DLG1: variants seen among roughly 807,000 people sequenced by gnomAD.
DLG1 encodes the protein disks large homolog 1.
In DLG1, 42 loss-of-function variants were observed where a neutral mutation model predicts 123.4. The ratio of observed to expected loss-of-function variants is 0.34; its 90% confidence interval spans 0.27 to 0.44. The LOEUF (loss-of-function observed/expected upper bound fraction) is 0.44, where lower values mean the gene tolerates loss of function less well. Ranked by LOEUF, DLG1 falls within the 20% of genes least tolerant of loss-of-function variation. The pLI, the probability that DLG1 is intolerant of heterozygous loss-of-function variation, is 1.00. For missense variants in DLG1, 942 were observed against 1,082.6 expected (o/e 0.87, Z 1.82); for synonymous variants, 317 against 356.2 (o/e 0.89, Z 1.24).
At chr3:197,164,293 A>G (rs1046640706) in intron 5 of DLG1, among the ~76,000 whole-genome samples, 16 of 151,580 alleles carry the variant, frequency 1.1e-4, no homozygotes, top group African/African-American at 3.6e-4. Flanking sequence ...GCTACTTGGG[A>G]GGCTGAGACA....
chr3:197,230,314 T>C (rs180951744), intron 4 of DLG1, among the ~76,000 whole-genome samples: 134 of 152,316 alleles, frequency 8.8e-4, no homozygotes, highest in African/African-American at 3.2e-3. Flanking sequence ...ACTACCTATA[T>C]TACATATTAC....
intron 5 of DLG1, among the ~76,000 whole-genome samples, chr3:197,163,076 G>T (rs1487407095): frequency 6.6e-6 from 1 of 152,144 alleles, no homozygotes; most frequent in East Asian, 1.9e-4. Context: ...GTATACAAGT[G>T]GCCAATTAGC....
chr3:197,140,690 T>C (rs1013523547), intron 7 of DLG1, among the ~76,000 whole-genome samples: 2 of 152,214 alleles, frequency 1.3e-5, no homozygotes, highest in East Asian at 1.9e-4. Context: ...AAAACCCATA[T>C]ACTGTTTTAG....
chr3:197,286,511 G>C (rs1228483671), intron 3 of DLG1, among the ~76,000 whole-genome samples: 1 of 152,194 alleles, frequency 6.6e-6, no homozygotes, highest in Non-Finnish European at 1.5e-5. Context: ...GGGAGGCAGA[G>C]CTCAGGTGGC....
chr3:197,120,273 G>GAAAAAAAAAAA (rs3050713), intron 11 of DLG1, among the ~76,000 whole-genome samples: 3 of 127,600 alleles, frequency 2.4e-5, no homozygotes, highest in Non-Finnish European at 3.3e-5. Flanking sequence ...TCTCGAGAAA[G>GAAAAAAAAAAA]AAAAAAAAAA....
intron 4 of DLG1, among the ~76,000 whole-genome samples, chr3:197,227,170 AAT>A (rs1292870870): frequency 6.6e-6 from 1 of 152,210 alleles, no homozygotes; most frequent in Non-Finnish European, 1.5e-5. Flanking sequence ...GCAGTTAAGA[AAT>A]ATAATTGCTA....
At chr3:197,296,507 ACTCT>A (rs751423144) in intron 2 of DLG1, 30 bp from the exon 3 acceptor site, 14 of 1,604,964 alleles carry the variant, frequency 8.7e-6, no homozygotes, top group African/African-American at 1.3e-5. Context: ...CCTGATTAAA[ACTCT>A]CTATTTACAA....
At chr3:197,070,564 C>CTTTTTTTTTTTTTTTTTTTT (rs1491200833) in intron 18 of DLG1, 2 of 44,922 alleles carry the variant, frequency 4.5e-5, no homozygotes, top group Non-Finnish European at 1.0e-4. Context: ...CTGGAAATTT[C>CTTTTTTTTTTTTTTTTTTTT]ATTTTTTTTT....
At chr3:197,170,772 A>C (rs915804956) in intron 5 of DLG1, among the ~76,000 whole-genome samples, 1 of 152,118 alleles carries the variant, frequency 6.6e-6, no homozygotes. Flanking sequence ...TTTTGTTGCA[A>C]TTGCATGGTG....
chr3:197,145,566 G>A (rs1430409159), intron 6 of DLG1, among the ~76,000 whole-genome samples: 2 of 151,938 alleles, frequency 1.3e-5, no homozygotes, highest in East Asian at 1.9e-4. Context: ...TTTTATTTTC[G>A]AAAACATTTC....
intron 17 of DLG1, among the ~76,000 whole-genome samples, chr3:197,079,629 C>A (rs377357396): frequency 6.6e-6 from 1 of 152,158 alleles, no homozygotes; most frequent in Non-Finnish European, 1.5e-5. Flanking sequence ...TGTACTAAAT[C>A]ATTTTTAAAG....
chr3:197,076,650 A>G lies in DLG1; in HGVS notation c.1941T>C (p.Phe647=). 4 of 1,613,014 alleles carry G rather than the reference A, an allele frequency of 2.5e-6. No homozygotes were observed. In the South Asian group the frequency reaches 4.4e-5, roughly 18 times the overall value. The change falls in exon 18 of 25, where the codon TTT becomes TTC. Residue 647 remains phenylalanine (F), a synonymous_variant. Coordinates refer to ENST00000667157, the MANE Select transcript of DLG1 (RefSeq NM_001366207.1). ...TCTTGTAGAAGGGGAATTTTCGGGA[A>G]AAGAGGTTCTTTTTACGCTTGTCAT... ...SFNDKRKKNL[F]SRKFPFYKNK...
chr3:197,244,216 G>A (rs1036760204), intron 4 of DLG1, among the ~76,000 whole-genome samples: 11 of 152,206 alleles, frequency 7.2e-5, no homozygotes, highest in Non-Finnish European at 1.2e-4. Flanking sequence ...GGGCTGACCC[G>A]CAGGGTGCTG....
intron 4 of DLG1, among the ~76,000 whole-genome samples, chr3:197,195,857 A>C (rs1015406613): frequency 3.3e-5 from 5 of 151,980 alleles, no homozygotes; most frequent in African/African-American, 1.2e-4. Flanking sequence ...AAACCTACAT[A>C]TGTACCCCCT....
At position 197,138,230 on chromosome 3, in the gene DLG1, C is replaced by G; in HGVS notation, c.875G>C (p.Gly292Ala). Residue 292 changes from glycine to alanine, a missense_variant, in exon 9 of 25, where the codon GGT (glycine) becomes GCT (alanine). By Grantham distance (60) the Gly-to-Ala change is moderately conservative. Coordinates refer to ENST00000667157, the MANE Select transcript of DLG1 (RefSeq NM_001366207.1). ...EKIMEIKLIK[G>A]PKGLGFSIAG... is the part of the protein sequence containing the mutation. ...TTTGACTTACCACATACCTTTAGGA[C>G]CTTTAATGAGCTTTATTTCCATTAT... 1 of 1,572,402 alleles carries G rather than the reference C, an allele frequency of 6.4e-7. No homozygotes were observed. The highest frequency in any genetic ancestry group is 1.3e-5 in the African/African-American group (1 of 74,154).
chr3:197,231,696 T>C (rs1561581249), intron 4 of DLG1, among the ~76,000 whole-genome samples: 3 of 57,050 alleles, frequency 5.3e-5, no homozygotes, highest in African/African-American at 1.3e-4. Flanking sequence ...CCAGACCCTG[T>C]TAAAAAAAAA....
At chr3:197,075,989 T>C in intron 18 of DLG1, 1 of 681,974 alleles carries the variant, frequency 1.5e-6, no homozygotes, top group Non-Finnish European at 2.4e-6. Flanking sequence ...TACAGGTACA[T>C]ATATCTTACA....
chr3:197,285,198 A>G (rs1488212196), intron 3 of DLG1, among the ~76,000 whole-genome samples: 3 of 152,120 alleles, frequency 2.0e-5, no homozygotes, highest in African/African-American at 7.2e-5. Flanking sequence ...TCCCAGAAAT[A>G]CTCTCAAAGG....
intron 22 of DLG1, 57 bp downstream of exon 22, chr3:197,065,219 T>C (rs934198123): frequency 8.8e-5 from 130 of 1,478,678 alleles, no homozygotes; most frequent in Non-Finnish European, 1.1e-4. Context: ...CAGTCTTGCA[T>C]ACTGTCAAAG....
Sources: gnomAD v4.1 joint callset for allele counts (sites outside exome capture counted in the v4.1 genomes callset) on GRCh38, gnomAD v4.1.1 for gene constraint, MANE v1.5 for transcripts, NCBI Gene and HGNC (gene_info 2026-07-23, HGNC 2026-07-21) for gene names.